C1QTNF2: variants seen among roughly 807,000 people sequenced by gnomAD.
C1QTNF2 encodes C1q and TNF related 2.
Under a neutral mutation model 17.4 loss-of-function variants are expected in C1QTNF2, and 15 were observed. The observed-to-expected ratio is 0.86, with a 90% CI of 0.58 to 1.33. The LOEUF (loss-of-function observed/expected upper bound fraction) is 1.33. Among genes scored for constraint, C1QTNF2 ranks in the 40% most tolerant of loss-of-function variants. The pLI is 0.00. For missense variants in C1QTNF2, 381 were observed against 392.3 expected, an observed-to-expected ratio of 0.97 and a Z score of 0.24; for synonymous variants, 154 against 163.3, an observed-to-expected ratio of 0.94 and a Z score of 0.44.
chr5:160,369,933 CT>C (rs1764318631), intron 1 of C1QTNF2, among the ~76,000 whole-genome samples: 1 of 152,156 alleles, frequency 6.6e-6, no homozygotes, highest in South Asian at 2.1e-4. Flanking sequence ...AAATCTCTGC[CT>C]GCCGTTCAAT....
At chr5:160,353,355 C>T (rs980793281) in intron 2 of C1QTNF2, among the ~76,000 whole-genome samples, 3 of 152,156 alleles carry the variant, frequency 2.0e-5, no homozygotes, top group Non-Finnish European at 2.9e-5. Context: ...AATGTCACAA[C>T]GGAAAGGTCT....
chr5:160,360,137 C>A (rs1389270289), intron 1 of C1QTNF2, among the ~76,000 whole-genome samples: 2 of 152,218 alleles, frequency 1.3e-5, no homozygotes, highest in East Asian at 1.9e-4. Context: ...TGCAAGCTCC[C>A]TTTTCCCAGC....
rs1763851608 is a variant in C1QTNF2 at position 160,348,928 on chromosome 5, T to TCAGAG, written c.*235_*239dup. The TCAGAG allele has an allele frequency of 2.0e-6, 1 of 488,292 alleles. No homozygotes were observed. 30.2% of individuals were successfully genotyped at this position (488,292 alleles called of 1,614,324 possible). A position where few individuals can be genotyped will look rare whatever the true frequency, so the allele number is the denominator to read the frequency against. On this transcript the variant is annotated 3_prime_UTR_variant, in exon 3 of 3. Coordinates refer to ENST00000652664, the MANE Select transcript of C1QTNF2 (RefSeq NM_031908.6). ...TCTGTCTTGTCCACTGCTGCATCTT[T>TCAGAG]CAGAGAATAGCATAGTGCCTGTTAC...
At chr5:160,360,031 T>G (rs1272384430) in intron 1 of C1QTNF2, among the ~76,000 whole-genome samples, 4 of 147,492 alleles carry the variant, frequency 2.7e-5, no homozygotes, top group Admixed American at 1.4e-4. Flanking sequence ...GGCTCCACCC[T>G]CTTGGTTTGC....
chr5:160,370,598 C>T lies in C1QTNF2; in HGVS notation c.-96G>A, dbSNP rs1252673649. The T allele has an allele frequency of 2.8e-6, 4 of 1,448,942 alleles. No individual in the cohort carries two copies. The African/African-American group carries it at 5.9e-5, about 21-fold the overall frequency. 89.8% of individuals were successfully genotyped at this position (1,448,942 alleles called of 1,614,324 possible). ...GCGTCCCGGCTTTCCTCAGCGGCAG[C>T]AGCCGGGCAGAGCGTCGGCCCCAGG... On this transcript the variant is annotated 5_prime_UTR_variant, in exon 1 of 3. Transcript: ENST00000652664.
intron 1 of C1QTNF2, among the ~76,000 whole-genome samples, chr5:160,362,770 C>T (rs1354462492): frequency 6.6e-6 from 1 of 152,154 alleles, no homozygotes; most frequent in East Asian, 1.9e-4. Context: ...ACTGGGGTCC[C>T]AGTCCTAGTT....
rs370072506 is a variant in C1QTNF2 at position 160,354,792 on chromosome 5, C to A, written c.220G>T (p.Asp74Tyr). The A allele has an allele frequency of 6.2e-7, 1 of 1,613,664 alleles. No individual in the cohort carries two copies. Among genetic ancestry groups the A allele is most frequent in the Non-Finnish European group, 8.5e-7 (1 of 1,179,942 alleles). Residue 74 changes from aspartate (D) to tyrosine (Y), a missense_variant, in exon 2 of 3, where the codon GAC (aspartate) becomes TAC (tyrosine). Physicochemically the swap from Asp to Tyr is radical, Grantham distance 160. Coordinates refer to ENST00000652664, the MANE Select transcript of C1QTNF2 (RefSeq NM_031908.6). ...CCTTCCTCTCCGCTGTCCCCCCGGT[C>A]GCCGTCGTGTCCATCTTGGCCGTCT... ...GKDGQDGHDG[D>Y]RGDSGEEGPP...
chr5:160,358,823 C>T (rs2113522107), intron 1 of C1QTNF2, among the ~76,000 whole-genome samples: 1 of 152,268 alleles, frequency 6.6e-6, no homozygotes. Flanking sequence ...CTTTGTCGCC[C>T]AGGCTGGAGT....
chr5:160,353,763 G>C lies in C1QTNF2; in HGVS notation c.244+1005C>G, dbSNP rs150774066. ...GAGCTCCTGGACTCAGCTATTCCTG[G>C]AGCTTGGCTCTTGGACTTCTCAGGC... On this transcript the variant is annotated intron_variant, in intron 2 of 2. Transcript: ENST00000652664. 5.1e-3 allele frequency among the ~76,000 whole-genome samples: 742 copies of C among 145,440 alleles called. 8 individuals carry two copies. Among genetic ancestry groups the C allele is most frequent in the African/African-American group, 0.017 (678 of 39,406 alleles).
In C1QTNF2 at chr5:160,363,883, G is replaced by C. The variant is rs369758969; in HGVS notation, c.-10+6629C>G. Among the ~76,000 whole-genome samples the C allele has an allele frequency of 1.2e-4, 18 of 152,310 alleles. No individual in the cohort carries two copies. The South Asian group carries it at 3.7e-3, about 32-fold the overall frequency. Reference sequence around the variant, plus strand: ...GCGAGATGTGAGGGGTAGAGAAGGCGGCTGAGGGTGTTCATATCCCCATAT... The same window carrying C: ...GCGAGATGTGAGGGGTAGAGAAGGCCGCTGAGGGTGTTCATATCCCCATAT... On this transcript the variant is annotated intron_variant, in intron 1 of 2. Coordinates refer to ENST00000652664, the MANE Select transcript of C1QTNF2 (RefSeq NM_031908.6).
intron 1 of C1QTNF2, among the ~76,000 whole-genome samples, chr5:160,359,339 G>T (rs937076124): frequency 6.6e-6 from 1 of 152,082 alleles, no homozygotes; most frequent in African/African-American, 2.4e-5. Context: ...ACTTGGAGAG[G>T]CTAATTTACT....
intron 1 of C1QTNF2, among the ~76,000 whole-genome samples, chr5:160,358,474 TTTTC>T (rs1256108890): frequency 1.3e-5 from 2 of 152,130 alleles, no homozygotes; most frequent in African/African-American, 2.4e-5. Context: ...TAATTTTTTT[TTTTC>T]TTTTTAGGGA....
intron 1 of C1QTNF2, among the ~76,000 whole-genome samples, chr5:160,369,074 A>G (rs1041365571): frequency 1.4e-5 from 2 of 145,466 alleles, no homozygotes; most frequent in African/African-American, 5.1e-5. Context: ...AAAAAAAAAA[A>G]CAGCACAAAT....
intron 1 of C1QTNF2, among the ~76,000 whole-genome samples, chr5:160,359,259 C>T (rs1764107499): frequency 6.6e-6 from 1 of 152,068 alleles, no homozygotes; most frequent in African/African-American, 2.4e-5. Context: ...CCTCTGAAAA[C>T]TATGCTTAAT....
Position 160,354,910 on chromosome 5 carries a change from C to A in C1QTNF2, c.102G>T (p.Leu34=). Residue 34 remains leucine (L), a synonymous_variant, in exon 2 of 3, where the codon CTG becomes CTT. Transcript: ENST00000652664. ...RRDFRKGSPQ[L]VCSLPGPQGP... ...CCTGGGGGCCAGGCAGGCTGCAGAC[C>A]AGTTGAGGGGAGCCTTTCCGGAAGT... 6.2e-7 allele frequency: 1 copy of A among 1,601,960 alleles called. No homozygotes were observed. The highest frequency in any genetic ancestry group is 8.5e-7 in the Non-Finnish European group (1 of 1,174,730).
intron 1 of C1QTNF2, among the ~76,000 whole-genome samples, chr5:160,359,771 C>T (rs1294393197): frequency 2.0e-5 from 3 of 152,162 alleles, no homozygotes; most frequent in Admixed American, 2.0e-4. Flanking sequence ...GGGGAGTTTC[C>T]AAGGCCTGAA....
chr5:160,355,102 A>G, intron 1 of C1QTNF2, 82 bp from the exon 2 acceptor site: 2 of 1,446,178 alleles, frequency 1.4e-6, no homozygotes, highest in Non-Finnish European at 1.8e-6. Flanking sequence ...GCACAGGAGG[A>G]GGCAGCTGGG....
intron 2 of C1QTNF2, among the ~76,000 whole-genome samples, chr5:160,352,434 C>T (rs1561821880): frequency 6.6e-6 from 1 of 152,128 alleles, no homozygotes; most frequent in African/African-American, 2.4e-5. Flanking sequence ...GGGTGACAAG[C>T]TTTGTTTGAG....
At chr5:160,359,856 G>A (rs1040342043) in intron 1 of C1QTNF2, among the ~76,000 whole-genome samples, 1 of 152,166 alleles carries the variant, frequency 6.6e-6, no homozygotes, top group Non-Finnish European at 1.5e-5. Context: ...CAGAACCCAG[G>A]CCATGGCTTA....
Sources: allele counts gnomAD v4.1 joint callset (sites outside exome capture counted in the v4.1 genomes callset), GRCh38; gene constraint gnomAD v4.1.1; transcripts MANE v1.5; gene names NCBI Gene and HGNC (gene_info 2026-07-23, HGNC 2026-07-21).